TENM2: variants seen among roughly 807,000 people sequenced by gnomAD.
TENM2 encodes the protein teneurin transmembrane protein 2.
TENM2 carries 52 observed loss-of-function variants against 245.2 expected under a neutral mutation model. The observed-to-expected ratio is 0.21, with a 90% CI of 0.17 to 0.27. TENM2 has a LOEUF of 0.27. Among genes scored for constraint, TENM2 ranks in the 10% least tolerant of loss-of-function variants. TENM2 has a pLI of 1.00. For missense variants in TENM2, 3,046 were observed against 3,666.8 expected, an observed-to-expected ratio of 0.83 and a Z score of 4.37; for synonymous variants, 1,363 against 1,438.9, an observed-to-expected ratio of 0.95 and a Z score of 1.19.
chr5:167,069,335 T>G, the TENM2 span, among the ~76,000 whole-genome samples: 111 of 152,274 alleles, frequency 7.3e-4, no homozygotes, highest in African/African-American at 2.6e-3. Flanking sequence ...TTTTTCTGAT[T>G]TATATGTTTA....
At chr5:167,191,960 A>G in the TENM2 span, among the ~76,000 whole-genome samples, 41 of 152,222 alleles carry the variant, frequency 2.7e-4, no homozygotes, top group African/African-American at 9.6e-4. Context: ...TGCCGGATCC[A>G]TTAGCAACTT....
chr5:167,824,331 A>T (rs1365662987), intron 2 of TENM2, among the ~76,000 whole-genome samples: 1 of 152,206 alleles, frequency 6.6e-6, no homozygotes, highest in East Asian at 1.9e-4. Flanking sequence ...TGTGAACAAA[A>T]ATGGAACAAA....
At chr5:168,156,457 T>C (rs957154737) in intron 12 of TENM2, among the ~76,000 whole-genome samples, 3 of 152,140 alleles carry the variant, frequency 2.0e-5, no homozygotes, top group Admixed American at 2.0e-4. Context: ...TTCTTAGGCA[T>C]GCTTGATGTT....
the TENM2 span, among the ~76,000 whole-genome samples, chr5:167,140,202 G>A: frequency 1.3e-5 from 2 of 152,094 alleles, no homozygotes; most frequent in East Asian, 1.9e-4. Context: ...TATTTATGGG[G>A]TACATGAGAT....
intron 6 of TENM2, among the ~76,000 whole-genome samples, chr5:168,058,783 A>G (rs73803864): frequency 0.017 from 2,605 of 152,234 alleles, 58 homozygotes; most frequent in African/African-American, 0.058. Flanking sequence ...ATAGTTTTTC[A>G]TCCTTTTTTT....
At chr5:168,231,229 G>A (rs1277853547) in intron 25 of TENM2, among the ~76,000 whole-genome samples, 1 of 151,376 alleles carries the variant, frequency 6.6e-6, no homozygotes, top group African/African-American at 2.4e-5. Flanking sequence ...AGAAGAAGAT[G>A]AACAAAGACT....
intron 5 of TENM2, among the ~76,000 whole-genome samples, chr5:168,012,051 A>G (rs1004349156): frequency 1.3e-5 from 2 of 152,186 alleles, no homozygotes; most frequent in African/African-American, 4.8e-5. Context: ...TCTCACCACT[A>G]TGTGTATTGC....
chr5:167,148,198 A>T, the TENM2 span, among the ~76,000 whole-genome samples: 1 of 152,218 alleles, frequency 6.6e-6, no homozygotes, highest in African/African-American at 2.4e-5. Flanking sequence ...CCTGCATTGA[A>T]TAAATATGGC....
intron 2 of TENM2, among the ~76,000 whole-genome samples, chr5:167,477,478 A>G (rs1767471210): frequency 6.6e-6 from 1 of 152,154 alleles, no homozygotes; most frequent in African/African-American, 2.4e-5. Flanking sequence ...AACCATTAAC[A>G]GAGGAAATTG....
chr5:167,509,471 A>T (rs1344347355), intron 2 of TENM2, among the ~76,000 whole-genome samples: 1 of 152,206 alleles, frequency 6.6e-6, no homozygotes, highest in African/African-American at 2.4e-5. Flanking sequence ...ACAAATTTTA[A>T]GGTAGGTGCC....
At chr5:168,104,628 G>C (rs537899194) in intron 9 of TENM2, among the ~76,000 whole-genome samples, 1 of 152,334 alleles carries the variant, frequency 6.6e-6, no homozygotes, top group African/African-American at 2.4e-5. Context: ...CAGATGTGCA[G>C]TGCAAATGGC....
At chr5:167,467,777 A>G (rs895751678) in intron 2 of TENM2, among the ~76,000 whole-genome samples, 2 of 152,178 alleles carry the variant, frequency 1.3e-5, no homozygotes, top group Admixed American at 6.5e-5. Context: ...TGATTTATGT[A>G]TATGGTAGAA....
intron 12 of TENM2, chr5:168,130,381 A>G (rs1017387575): frequency 6.6e-6 from 1 of 152,222 alleles, no homozygotes; most frequent in African/African-American, 2.4e-5. Context: ...GCTAAAATCT[A>G]CAGAATTGTG....
At chr5:167,403,306 G>A (rs1374941078) in intron 2 of TENM2, among the ~76,000 whole-genome samples, 1 of 119,164 alleles carries the variant, frequency 8.4e-6, no homozygotes, top group African/African-American at 4.0e-5. Flanking sequence ...TGCCACCCTT[G>A]ATTTTTGGTA....
At chr5:167,016,086 C>T in the TENM2 span, among the ~76,000 whole-genome samples, 6 of 151,854 alleles carry the variant, frequency 4.0e-5, no homozygotes, top group Non-Finnish European at 7.4e-5. Context: ...AACTCCGTCT[C>T]TACTAAAAAT....
chr5:168,224,616 A>C (rs1328148065), intron 23 of TENM2, among the ~76,000 whole-genome samples: 2 of 151,960 alleles, frequency 1.3e-5, no homozygotes, highest in African/African-American at 4.8e-5. Context: ...GGCCCTCCCC[A>C]CAGGGATCCT....
chr5:167,714,138 CCTT>C lies in TENM2; in HGVS notation c.503-161844_503-161842del, dbSNP rs142598816. On this transcript the variant is annotated intron_variant, in intron 2 of 28. Coordinates refer to ENST00000518659, the Ensembl canonical transcript of TENM2. ...ACATGGAATTGAGCACTTCACAAAG[CCTT>C]CTTTATAGCCAGGAGTGTGATCACA... Among the ~76,000 whole-genome samples, 1,025 of 152,272 alleles carry C rather than the reference CCTT, an allele frequency of 6.7e-3. 6 individuals are homozygous for C. Among genetic ancestry groups the C allele is most frequent in the Non-Finnish European group, 0.011 (737 of 68,024 alleles).
chr5:167,237,467 C>T, the TENM2 span, among the ~76,000 whole-genome samples: 1 of 152,162 alleles, frequency 6.6e-6, no homozygotes, highest in Admixed American at 6.5e-5. Flanking sequence ...GCCAAAACTT[C>T]CATGGTGTCA....
chr5:168,195,231 G>C (rs776496865), exon 15 of TENM2: 1 of 1,608,146 alleles, frequency 6.2e-7, no homozygotes. Context: ...TCCCCTGGTC[G>C]GTGTGAACGT....
Sources: gnomAD v4.1 joint callset for allele counts (sites outside exome capture counted in the v4.1 genomes callset) on GRCh38, gnomAD v4.1.1 for gene constraint, MANE v1.5 for transcripts, NCBI Gene and HGNC (gene_info 2026-07-23, HGNC 2026-07-21) for gene names.